The following CXCL13 variants were observed in gnomAD, a reference collection of about 807,000 sequenced individuals.
CXCL13 encodes C-X-C motif chemokine 13.
In CXCL13, 7 loss-of-function variants were observed where a neutral mutation model predicts 12.2. The ratio of observed to expected loss-of-function variants is 0.57; its 90% confidence interval spans 0.33 to 1.07. The LOEUF is 1.07. Ranked by LOEUF, CXCL13 falls within the 50% of genes least tolerant of loss-of-function variation. The pLI, the probability that CXCL13 is intolerant of heterozygous loss-of-function variation, is 0.04. For missense variants in CXCL13, 113 were observed against 127.4 expected (o/e 0.89, Z 0.55); for synonymous variants, 47 against 42.4 (o/e 1.11, Z -0.42).
chr4:77,530,252 C>G (rs933761979), intron 1 of CXCL13, among the ~76,000 whole-genome samples: 6 of 152,116 alleles, frequency 3.9e-5, no homozygotes, highest in African/African-American at 1.4e-4. Context: ...TTTGTTGTGT[C>G]TCTGCCAGGC....
chr4:77,563,928 T>A (rs1249182156), intron 1 of CXCL13, among the ~76,000 whole-genome samples: 1 of 152,224 alleles, frequency 6.6e-6, no homozygotes, highest in Non-Finnish European at 1.5e-5. Flanking sequence ...ATCCTGTCTG[T>A]GGCATAAAGT....
At chr4:77,533,331 A>G (rs7437889) in intron 1 of CXCL13, among the ~76,000 whole-genome samples, 59,462 of 152,056 alleles carry the variant, frequency 0.39, 12,186 homozygotes, top group African/African-American at 0.51. Flanking sequence ...TATCAGCAGC[A>G]GAGGCTGCAC....
At chr4:77,599,244 C>T (rs1374748845) in intron 1 of CXCL13, among the ~76,000 whole-genome samples, 2 of 152,056 alleles carry the variant, frequency 1.3e-5, no homozygotes, top group Non-Finnish European at 1.5e-5. Flanking sequence ...GCAAGACTCC[C>T]GTGTATACCA....
At chr4:77,530,758 T>C (rs1053053780) in intron 1 of CXCL13, among the ~76,000 whole-genome samples, 1 of 152,174 alleles carries the variant, frequency 6.6e-6, no homozygotes, top group East Asian at 1.9e-4. Context: ...GAAGGGTTTT[T>C]TGTGTCTCTA....
chr4:77,529,994 G>A (rs965120717), intron 1 of CXCL13, among the ~76,000 whole-genome samples: 1 of 152,180 alleles, frequency 6.6e-6, no homozygotes, highest in African/African-American at 2.4e-5. Context: ...AAGCGTTGTT[G>A]AATTTTGTCA....
chr4:77,539,970 A>G (rs1214547954), intron 1 of CXCL13, among the ~76,000 whole-genome samples: 1 of 152,120 alleles, frequency 6.6e-6, no homozygotes. Context: ...ATTGTCCTTG[A>G]CCATTGGGTC....
At chr4:77,579,294 T>A (rs1193463856) in intron 1 of CXCL13, among the ~76,000 whole-genome samples, 1 of 152,196 alleles carries the variant, frequency 6.6e-6, no homozygotes, top group African/African-American at 2.4e-5. Context: ...CCAGAGGCTC[T>A]TAAGGAGTCA....
chr4:77,585,530 T>C (rs1379759529), intron 1 of CXCL13, among the ~76,000 whole-genome samples: 1 of 152,186 alleles, frequency 6.6e-6, no homozygotes, highest in Non-Finnish European at 1.5e-5. Context: ...ACAAAGCCTT[T>C]GACCTGCTGA....
At chr4:77,531,098 T>TTTA (rs59478034) in intron 1 of CXCL13, among the ~76,000 whole-genome samples, 7,390 of 144,236 alleles carry the variant, frequency 0.051, 213 homozygotes, top group African/African-American at 0.071. Flanking sequence ...AGTGAGTTTC[T>TTTA]TTATTATTAT....
chr4:77,581,010 A>G (rs1358917647), intron 1 of CXCL13, among the ~76,000 whole-genome samples: 1 of 152,000 alleles, frequency 6.6e-6, no homozygotes, highest in Non-Finnish European at 1.5e-5. Context: ...AGAAGACTAC[A>G]TTTTACACAA....
chr4:77,549,116 A>G (rs1725445409), intron 1 of CXCL13, among the ~76,000 whole-genome samples: 1 of 152,022 alleles, frequency 6.6e-6, no homozygotes, highest in Non-Finnish European at 1.5e-5. Flanking sequence ...CCTTTCTTCC[A>G]CTGGATCGAA....
intron 1 of CXCL13, among the ~76,000 whole-genome samples, chr4:77,529,773 C>T (rs1266494025): frequency 1.3e-5 from 2 of 152,172 alleles, no homozygotes; most frequent in African/African-American, 4.8e-5. Flanking sequence ...TTATTTCCTT[C>T]TCCTGCCTGA....
upstream of CXCL13, among the ~76,000 whole-genome samples, chr4:77,602,626 C>A (rs151116178): frequency 6.6e-6 from 1 of 151,366 alleles, no homozygotes; most frequent in Non-Finnish European, 1.5e-5. Context: ...AAATCTGATT[C>A]GATTCCAAAG....
At chr4:77,600,028 G>T (rs1327126956) in intron 1 of CXCL13, among the ~76,000 whole-genome samples, 1 of 152,218 alleles carries the variant, frequency 6.6e-6, no homozygotes, top group East Asian at 1.9e-4. Context: ...GCAAATTTTT[G>T]AGCAACTGGG....
intron 1 of CXCL13, among the ~76,000 whole-genome samples, chr4:77,542,916 G>A (rs923124545): frequency 1.3e-5 from 2 of 152,010 alleles, no homozygotes; most frequent in African/African-American, 4.8e-5. Context: ...TAATTTTTTG[G>A]GAATAGTTTC....
At chr4:77,598,788 T>G (rs1277497556) in intron 1 of CXCL13, among the ~76,000 whole-genome samples, 5 of 151,894 alleles carry the variant, frequency 3.3e-5, no homozygotes, top group African/African-American at 1.2e-4. Flanking sequence ...AATATTCATG[T>G]CCCATTTTTG....
Position 77,517,655 on chromosome 4 carries a change from G to T in CXCL13, c.-43+5867G>T, listed in dbSNP as rs575608368. 2.4e-3 allele frequency among the ~76,000 whole-genome samples: 367 copies of T among 152,134 alleles called. 3 individuals are homozygous for T. The highest frequency in any genetic ancestry group is 8.5e-3 in the African/African-American group (353 of 41,488). ...CCCTGCCTTTTTTTGTTTTCCATTTGCTTGGTAGATCTTCCTCCATCCCTT... is the reference window on the plus strand; with the variant it reads ...CCCTGCCTTTTTTTGTTTTCCATTTTCTTGGTAGATCTTCCTCCATCCCTT... On this transcript the variant is annotated intron_variant, in intron 1 of 4. Transcript: ENST00000286758.
chr4:77,605,393 G>T (rs1301044598), upstream of CXCL13, among the ~76,000 whole-genome samples: 3 of 152,076 alleles, frequency 2.0e-5, no homozygotes, highest in Admixed American at 6.6e-5. Flanking sequence ...CCTACCAAAG[G>T]CCGGAATCCC....
chr4:77,543,515 A>G (rs896205458), intron 1 of CXCL13, among the ~76,000 whole-genome samples: 1 of 151,924 alleles, frequency 6.6e-6, no homozygotes, highest in Non-Finnish European at 1.5e-5. Context: ...TCCTCTTAAC[A>G]TTGCTTTTGC....
Sources: gnomAD v4.1 joint callset for allele counts (sites outside exome capture counted in the v4.1 genomes callset) on GRCh38, gnomAD v4.1.1 for gene constraint, MANE v1.5 for transcripts, NCBI Gene and HGNC (gene_info 2026-07-23, HGNC 2026-07-21) for gene names.